The following RASA1 variants were observed in gnomAD, a reference collection of about 807,000 sequenced individuals.
RASA1 encodes the protein ras GTPase-activating protein 1.
RASA1 carries 25 observed loss-of-function variants against 132.2 expected under a neutral mutation model. The observed-to-expected ratio is 0.19, with a 90% CI of 0.14 to 0.26. The LOEUF (loss-of-function observed/expected upper bound fraction) is 0.26. RASA1 is among the 10% of genes least tolerant of loss of function. The pLI, the probability that RASA1 is intolerant of heterozygous loss-of-function variation, is 1.00. For missense variants in RASA1, 964 were observed against 1,299.2 expected (o/e 0.74, Z 3.97); for synonymous variants, 477 against 449.9 (o/e 1.06, Z -0.76).
intron 6 of RASA1, among the ~76,000 whole-genome samples, chr5:87,343,604 C>T (rs1758635202): frequency 6.6e-6 from 1 of 152,078 alleles, no homozygotes; most frequent in Non-Finnish European, 1.5e-5. Context: ...AAAGGGAAGC[C>T]TTGTACCCTG....
At position 87,268,327 on chromosome 5, in the gene RASA1, G is replaced by T; in HGVS notation, c.-125G>T. On this transcript the variant is annotated 5_prime_UTR_variant, in exon 1 of 25. Transcript: ENST00000274376. Reference sequence around the variant, plus strand: ...CGGCGGCGGGCTCTCTCCTTTTGTTGTTGTTTCCTCAGCCTGGGGAGCTGA... The same window carrying T: ...CGGCGGCGGGCTCTCTCCTTTTGTTTTTGTTTCCTCAGCCTGGGGAGCTGA... The T allele has an allele frequency of 1.6e-6, 2 of 1,218,584 alleles. No homozygotes were observed. 75.5% of individuals were successfully genotyped at this position (1,218,584 alleles called of 1,614,324 possible).
intron 9 of RASA1, among the ~76,000 whole-genome samples, chr5:87,356,506 C>T (rs1011219255): frequency 7.9e-5 from 12 of 151,982 alleles, no homozygotes; most frequent in African/African-American, 2.9e-4. Flanking sequence ...CCTCCTGCCT[C>T]AGGCTCCCCA....
At position 87,363,342 on chromosome 5, in the gene RASA1, A is replaced by T. The variant is rs1041546774; in HGVS notation, c.1454-6A>T. 9.5e-6 allele frequency: 15 copies of T among 1,585,828 alleles called. No homozygotes were observed. Among genetic ancestry groups the T allele is most frequent in the South Asian group, 1.1e-5 (1 of 89,486 alleles). The stretch of plus-strand genomic sequence containing the variant: ...CTAAGAGAAAACAATTTTTTTTTTT[A>T]AACAGGCAAAGGAAAACGTTGGAAA... On this transcript the variant is annotated splice_region_variant and splice_polypyrimidine_tract_variant and intron_variant, in intron 10 of 24. Transcript: ENST00000274376.
intron 1 of RASA1, among the ~76,000 whole-genome samples, chr5:87,303,497 G>T (rs1755470094): frequency 6.6e-6 from 1 of 151,838 alleles, no homozygotes; most frequent in African/African-American, 2.4e-5. Flanking sequence ...TCAGCTACGT[G>T]TCACAAATTG....
At position 87,362,730 on chromosome 5, in the gene RASA1, C is replaced by T. The variant is rs527549583; in HGVS notation, c.1453+59C>T. 6.9e-5 allele frequency: 107 copies of T among 1,544,960 alleles called. No individual in the cohort carries two copies. In the Middle Eastern group the frequency reaches 5.0e-3, roughly 72 times the overall value. ...TAGAGACGTTGTAAATATGGAGCTC[C>T]GAACTTATTGTGATATATATTTAAT... On this transcript the variant is annotated intron_variant, in intron 10 of 24. Transcript: ENST00000274376.
chr5:87,332,420 T>TA, intron 2 of RASA1, 87 bp from the exon 3 acceptor site: 1 of 1,333,398 alleles, frequency 7.5e-7, no homozygotes, highest in Non-Finnish European at 1.1e-6. Flanking sequence ...GTATGGAAAT[T>TA]ATGGATTTAT....
At chr5:87,275,093 G>A (rs185226331) in intron 1 of RASA1, among the ~76,000 whole-genome samples, 227 of 152,332 alleles carry the variant, frequency 1.5e-3, no homozygotes, top group Middle Eastern at 0.01. Flanking sequence ...AAGGAAAAAC[G>A]AAGAGTAGAC....
chr5:87,288,812 C>T (rs960196455), intron 1 of RASA1, among the ~76,000 whole-genome samples: 2 of 152,060 alleles, frequency 1.3e-5, no homozygotes, highest in Non-Finnish European at 2.9e-5. Flanking sequence ...TATATTTTGT[C>T]ACATTTTAGT....
chr5:87,360,212 C>T (rs867755128), intron 9 of RASA1, among the ~76,000 whole-genome samples: 1 of 151,360 alleles, frequency 6.6e-6, no homozygotes, highest in African/African-American at 2.4e-5. Context: ...CTGCAACCTC[C>T]GCCTCCTGGG....
intron 5 of RASA1, among the ~76,000 whole-genome samples, chr5:87,338,550 T>TA (rs1561292617): frequency 3.6e-5 from 5 of 139,858 alleles, no homozygotes; most frequent in African/African-American, 7.8e-5. Context: ...TTTTTTTTTT[T>TA]AAGTAGAAAT....
Position 87,268,563 on chromosome 5 carries a change from A to G in RASA1, c.112A>G (p.Ile38Val). ...SAYPAVCRVK[I>V]PAALPVAAAP... ...CTATCCCGCAGTGTGTCGGGTGAAG[A>G]TACCCGCGGCCCTGCCTGTGGCAGC... The change falls in exon 1 of 25, where the codon ATA becomes GTA. Residue 38 changes from isoleucine to valine, a missense_variant. This residue lies in a region of RASA1 where 326 missense variants were observed against 275.8 expected (regional missense o/e 1.18). Transcript: ENST00000274376. The G allele has an allele frequency of 6.2e-7, 1 of 1,606,096 alleles. No homozygotes were observed. Among genetic ancestry groups the G allele is most frequent in the Non-Finnish European group, 8.5e-7 (1 of 1,177,498 alleles).
intron 20 of RASA1, 89 bp from the exon 21 acceptor site, chr5:87,383,623 TA>T (rs1761876495): frequency 3.0e-6 from 3 of 1,008,858 alleles, no homozygotes; most frequent in East Asian, 5.2e-5. Context: ...CTATGAGTAC[TA>T]AAAATTCTGT....
At chr5:87,316,348 G>A (rs987333001) in intron 1 of RASA1, among the ~76,000 whole-genome samples, 3 of 152,136 alleles carry the variant, frequency 2.0e-5, no homozygotes, top group Middle Eastern at 3.4e-3. Context: ...AAATAGCTGC[G>A]GAAAAAATAA....
chr5:87,330,199 A>G (rs969900780), intron 1 of RASA1, among the ~76,000 whole-genome samples: 1 of 152,148 alleles, frequency 6.6e-6, no homozygotes, highest in Non-Finnish European at 1.5e-5. Flanking sequence ...ATAAGTTTTA[A>G]GTTTCTGTGT....
chr5:87,271,543 A>G (rs1753840088), intron 1 of RASA1, among the ~76,000 whole-genome samples: 1 of 127,992 alleles, frequency 7.8e-6, no homozygotes, highest in South Asian at 2.4e-4. Flanking sequence ...TTTTCGGCTC[A>G]CTGCAAGCTC....
At chr5:87,360,839 T>A (rs1443011940) in intron 9 of RASA1, among the ~76,000 whole-genome samples, 1 of 152,198 alleles carries the variant, frequency 6.6e-6, no homozygotes, top group Admixed American at 6.5e-5. Context: ...TTTGCATTCG[T>A]TTTCTGATTT....
chr5:87,327,883 T>C (rs974790630), intron 1 of RASA1, among the ~76,000 whole-genome samples: 9 of 151,624 alleles, frequency 5.9e-5, no homozygotes, highest in African/African-American at 2.2e-4. Flanking sequence ...GAGAATCACT[T>C]GAACCCAGGA....
intron 1 of RASA1, among the ~76,000 whole-genome samples, chr5:87,311,709 T>C (rs1254838008): frequency 6.6e-6 from 1 of 152,280 alleles, no homozygotes; most frequent in South Asian, 2.1e-4. Context: ...AGGGATCTTT[T>C]GGGTATCTTT....
intron 7 of RASA1, among the ~76,000 whole-genome samples, chr5:87,348,989 T>C (rs1193112047): frequency 6.6e-6 from 1 of 151,902 alleles, no homozygotes; most frequent in African/African-American, 2.4e-5. Flanking sequence ...TATTTTTATG[T>C]ATTAAAGCTG....
Sources: allele counts gnomAD v4.1 joint callset (sites outside exome capture counted in the v4.1 genomes callset), GRCh38; gene constraint gnomAD v4.1.1; regional missense constraint gnomAD v4.1.1; transcripts MANE v1.5; gene names NCBI Gene and HGNC (gene_info 2026-07-23, HGNC 2026-07-21).